The following CCDC7 variants were observed in gnomAD, a reference collection of about 807,000 sequenced individuals.
CCDC7 encodes the protein coiled-coil domain containing 7.
A neutral mutation model predicts 196.9 loss-of-function variants in CCDC7; 183 were observed. The ratio of observed to expected loss-of-function variants is 0.93; its 90% confidence interval spans 0.82 to 1.05. The LOEUF is 1.05. Ranked by LOEUF, CCDC7 falls within the 50% of genes least tolerant of loss-of-function variation. The pLI, the probability that CCDC7 is intolerant of heterozygous loss-of-function variation, is 0.00. For synonymous variants in CCDC7, 525 were observed against 484.6 expected (o/e 1.08, Z -1.10); for missense variants, 1,540 against 1,482.2 (o/e 1.04, Z -0.64).
chr10:32,705,491 G>A (rs1028454182), intron 24 of CCDC7, among the ~76,000 whole-genome samples: 13 of 152,062 alleles, frequency 8.5e-5, no homozygotes, highest in African/African-American at 3.1e-4. Flanking sequence ...ATGTAAATGG[G>A]CTAAATGCCC....
chr10:32,667,621 A>T (rs1177128120), intron 21 of CCDC7, among the ~76,000 whole-genome samples: 2 of 152,062 alleles, frequency 1.3e-5, no homozygotes, highest in Non-Finnish European at 2.9e-5. Context: ...TTTATTAAAT[A>T]GGGAATCCTT....
intron 21 of CCDC7, among the ~76,000 whole-genome samples, chr10:32,670,911 A>C (rs903602554): frequency 6.6e-6 from 1 of 151,476 alleles, no homozygotes; most frequent in African/African-American, 2.4e-5. Context: ...TAGGTTGTTT[A>C]TTTGGGATCT....
chr10:32,597,462 G>A (rs562595434), intron 18 of CCDC7, among the ~76,000 whole-genome samples: 15 of 152,084 alleles, frequency 9.9e-5, no homozygotes, highest in African/African-American at 1.9e-4. Flanking sequence ...CGATGGGTTC[G>A]AACATCCTCC....
intron 11 of CCDC7, among the ~76,000 whole-genome samples, chr10:32,537,118 G>A (rs756334709): frequency 2.0e-5 from 3 of 152,080 alleles, no homozygotes; most frequent in Admixed American, 6.5e-5. Flanking sequence ...ACTCCCACCA[G>A]CAGTGCATAA....
intron 25 of CCDC7, among the ~76,000 whole-genome samples, chr10:32,714,122 T>C (rs978595791): frequency 3.3e-5 from 5 of 152,106 alleles, no homozygotes; most frequent in Non-Finnish European, 7.4e-5. Flanking sequence ...GATGGCCAAA[T>C]AGGAACAGCT....
intron 9 of CCDC7, among the ~76,000 whole-genome samples, chr10:32,492,349 C>T (rs1265812733): frequency 6.6e-6 from 1 of 151,962 alleles, no homozygotes; most frequent in South Asian, 2.1e-4. Flanking sequence ...GCATATATAC[C>T]CCAAAATTGA....
chr10:32,525,681 C>T (rs1238030638), intron 11 of CCDC7, among the ~76,000 whole-genome samples: 1 of 152,220 alleles, frequency 6.6e-6, no homozygotes, highest in Non-Finnish European at 1.5e-5. Flanking sequence ...TTGTTTGTGT[C>T]TGTCCTTCTT....
At chr10:32,689,779 G>C (rs1565150896) in intron 23 of CCDC7, among the ~76,000 whole-genome samples, 1 of 151,794 alleles carries the variant, frequency 6.6e-6, no homozygotes, top group Non-Finnish European at 1.5e-5. Flanking sequence ...TTCTTGCCCA[G>C]ACTGGAGTGC....
chr10:32,565,763 T>G, intron 14 of CCDC7, 143 bp downstream of exon 15: 2 of 705,506 alleles, frequency 2.8e-6, no homozygotes, highest in Non-Finnish European at 4.3e-6. Flanking sequence ...ATATTCATTT[T>G]ATGCATTAGG....
chr10:32,562,700 A>G (rs565091665), intron 13 of CCDC7, among the ~76,000 whole-genome samples: 7 of 151,276 alleles, frequency 4.6e-5, no homozygotes, highest in African/African-American at 1.7e-4. Context: ...ATCATACTGA[A>G]TGGGCAAAAA....
chr10:32,784,510 G>C (rs2081521483), intron 29 of CCDC7, among the ~76,000 whole-genome samples: 1 of 152,166 alleles, frequency 6.6e-6, no homozygotes. Flanking sequence ...AGTTTGGTAA[G>C]GATAATGGCT....
intron 28 of CCDC7, among the ~76,000 whole-genome samples, chr10:32,775,139 T>C (rs2079795440): frequency 6.6e-6 from 1 of 152,188 alleles, no homozygotes. Context: ...TGATTACTGC[T>C]ATAAAGGCAT....
chr10:32,854,981 A>G (rs1233372325), intron 41 of CCDC7, among the ~76,000 whole-genome samples: 2 of 152,208 alleles, frequency 1.3e-5, no homozygotes, highest in Non-Finnish European at 2.9e-5. Context: ...TAATTTTAAT[A>G]GATATTAGCA....
intron 11 of CCDC7, among the ~76,000 whole-genome samples, chr10:32,521,210 C>T (rs919828501): frequency 3.3e-5 from 5 of 151,822 alleles, no homozygotes; most frequent in South Asian, 4.1e-4. Context: ...GGGGCTTTTG[C>T]GATTTCATAT....
chr10:32,828,553 AAG>A (rs1232092333), intron 32 of CCDC7, among the ~76,000 whole-genome samples: 56 of 148,242 alleles, frequency 3.8e-4, no homozygotes, highest in Non-Finnish European at 5.0e-4. Context: ...GAAGAAGAAG[AAG>A]AAGAAAGAAG....
intron 41 of CCDC7, among the ~76,000 whole-genome samples, chr10:32,860,998 T>C (rs1408996911): frequency 6.6e-6 from 1 of 151,510 alleles, no homozygotes. Flanking sequence ...AAGTAATTTA[T>C]AGGTTCAATG....
At chr10:32,859,969 A>G (rs1036255921) in intron 41 of CCDC7, among the ~76,000 whole-genome samples, 23 of 152,304 alleles carry the variant, frequency 1.5e-4, no homozygotes, top group South Asian at 4.1e-4. Context: ...TTCACAGCCA[A>G]ATTCTACCAG....
Position 32,845,332 on chromosome 10 carries a change from A to G in CCDC7, c.3436+6A>G. ...ACAACTAAAGGGTCACCAAAGTAAG[A>G]AAAAGAATTTTTCACATCTAATATT... On this transcript the variant is annotated splice_donor_region_variant and intron_variant, in intron 34 of 41. Transcript: ENST00000639629. The G allele has an allele frequency of 6.5e-7, 1 of 1,549,020 alleles. No individual in the cohort carries two copies. Among genetic ancestry groups the G allele is most frequent in the Non-Finnish European group, 8.8e-7 (1 of 1,141,052 alleles).
intron 6 of CCDC7, 85 bp downstream of exon 7, chr10:32,471,315 T>A: frequency 6.8e-7 from 1 of 1,463,222 alleles, no homozygotes; most frequent in South Asian, 1.3e-5. Flanking sequence ...ATGGGTCAGA[T>A]ATGATGGCTA....
Sources: gnomAD v4.1 joint callset for allele counts (sites outside exome capture counted in the v4.1 genomes callset) on GRCh38, gnomAD v4.1.1 for gene constraint, MANE v1.5 for transcripts, NCBI Gene and HGNC (gene_info 2026-07-23, HGNC 2026-07-21) for gene names.